The following MOBP variants were observed in gnomAD, a reference collection of about 807,000 sequenced individuals.
MOBP encodes myelin associated oligodendrocyte basic protein.
MOBP carries 5 observed loss-of-function variants against 15.0 expected under a neutral mutation model. That is an observed-to-expected ratio of 0.33 (90% CI 0.17 to 0.70). MOBP has a LOEUF of 0.70. MOBP is among the 30% of genes least tolerant of loss of function. The pLI is 0.67. For synonymous variants in MOBP, 88 were observed against 99.0 expected, an observed-to-expected ratio of 0.89 and a Z score of 0.66; for missense variants, 188 against 257.8, an observed-to-expected ratio of 0.73 and a Z score of 1.85.
intron 2 of MOBP, among the ~76,000 whole-genome samples, chr3:39,485,856 T>A (rs2042699547): frequency 6.6e-6 from 1 of 152,228 alleles, no homozygotes; most frequent in Non-Finnish European, 1.5e-5. Context: ...TTTCTCTGAG[T>A]ACTACATAGT....
intron 2 of MOBP, among the ~76,000 whole-genome samples, chr3:39,482,270 C>T (rs977034222): frequency 6.6e-6 from 1 of 152,178 alleles, no homozygotes; most frequent in Admixed American, 6.5e-5. Flanking sequence ...AATATTTTGT[C>T]ACCACCTTCA....
chr3:39,519,747 G>T (rs1236996966), downstream of MOBP, among the ~76,000 whole-genome samples: 1 of 152,024 alleles, frequency 6.6e-6, no homozygotes, highest in Admixed American at 6.6e-5. Context: ...TTCTTTCTGA[G>T]ACTTGAGATC....
chr3:39,484,492 C>T (rs942218738), intron 2 of MOBP, among the ~76,000 whole-genome samples: 1 of 152,080 alleles, frequency 6.6e-6, no homozygotes, highest in Admixed American at 6.5e-5. Context: ...CAGGGCCAGC[C>T]AGCAGATAAA....
chr3:39,468,814 G>GTATACATATTACATATGTGTGTATA (rs2042391892), intron 1 of MOBP, among the ~76,000 whole-genome samples: 2 of 109,294 alleles, frequency 1.8e-5, no homozygotes, highest in Non-Finnish European at 3.4e-5. Flanking sequence ...ATATGTGTGT[G>GTATACATATTACATATGTGTGTATA]TATACATATT....
intron 3 of MOBP, among the ~76,000 whole-genome samples, chr3:39,521,280 C>T (rs567727623): frequency 6.6e-6 from 1 of 152,216 alleles, no homozygotes; most frequent in East Asian, 1.9e-4. Flanking sequence ...ACATTAAAGC[C>T]ACCATTAGGA....
downstream of MOBP, among the ~76,000 whole-genome samples, chr3:39,516,663 A>G (rs2043206461): frequency 6.6e-6 from 1 of 152,190 alleles, no homozygotes; most frequent in Non-Finnish European, 1.5e-5. Context: ...AGATGAATTT[A>G]TATTTTTATT....
exon 5 of MOBP, chr3:39,515,655 C>G (rs937908248): frequency 9.2e-5 from 14 of 152,194 alleles, no homozygotes; most frequent in African/African-American, 3.1e-4. Flanking sequence ...ATTCTCAGTG[C>G]TTGTGCCCAC....
chr3:39,476,477 C>T (rs2042547429), intron 1 of MOBP, among the ~76,000 whole-genome samples: 1 of 152,192 alleles, frequency 6.6e-6, no homozygotes, highest in Non-Finnish European at 1.5e-5. Flanking sequence ...GCACAAGTTT[C>T]ATTCTAGCCT....
chr3:39,507,801 G>T (rs568468578), downstream of MOBP, among the ~76,000 whole-genome samples: 1 of 152,316 alleles, frequency 6.6e-6, no homozygotes, highest in East Asian at 1.9e-4. Flanking sequence ...TTTGCCAAAT[G>T]CCCTCACAGC....
intron 4 of MOBP, among the ~76,000 whole-genome samples, chr3:39,511,980 A>G (rs1449785170): frequency 2.6e-5 from 4 of 152,198 alleles, no homozygotes; most frequent in Non-Finnish European, 5.9e-5. Context: ...CATCTGTAAA[A>G]TGAGGGTATT....
At chr3:39,485,956 G>A (rs2042701419) in intron 2 of MOBP, among the ~76,000 whole-genome samples, 1 of 152,010 alleles carries the variant, frequency 6.6e-6, no homozygotes, top group Non-Finnish European at 1.5e-5. Context: ...AAAATGTATA[G>A]TTTGTTTTTA....
exon 5 of MOBP, chr3:39,513,419 G>C: frequency 6.2e-7 from 1 of 1,614,110 alleles, no homozygotes; most frequent in Non-Finnish European, 8.5e-7. Flanking sequence ...CAAAGAAGAA[G>C]TGACCAAGGA....
intron 1 of MOBP, among the ~76,000 whole-genome samples, chr3:39,479,473 A>G (rs1413768955): frequency 6.6e-6 from 1 of 151,810 alleles, no homozygotes; most frequent in Non-Finnish European, 1.5e-5. Flanking sequence ...ATGAATACAC[A>G]TGAACTTCCA....
Position 39,502,961 on chromosome 3 carries a change from G to A in MOBP, c.*81G>A. 1 of 661,152 alleles carries A rather than the reference G, an allele frequency of 1.5e-6. No individual in the cohort carries two copies. The highest frequency in any genetic ancestry group is 2.5e-6 in the Non-Finnish European group (1 of 392,984). 41.0% of individuals were successfully genotyped at this position (661,152 alleles called of 1,614,324 possible). On this transcript the variant is annotated 3_prime_UTR_variant, in exon 4 of 4. Transcript: ENST00000684792. The surrounding 1 kb of genome is among the most constrained non-coding windows in gnomAD (Gnocchi z 6.3). ...TTACTAACACCGGGCTGTCTCCATG[G>A]CCCTCTTCAGCCTTATTACCCAACC...
chr3:39,524,736 C>T (rs368369376), exon 5 of MOBP: 10 of 152,128 alleles, frequency 6.6e-5, no homozygotes, highest in Middle Eastern at 6.8e-3. Flanking sequence ...AGTAGGTACA[C>T]GTAAATCTGT....
chr3:39,521,400 G>T (rs1342374088), intron 3 of MOBP, among the ~76,000 whole-genome samples: 1 of 152,216 alleles, frequency 6.6e-6, no homozygotes, highest in Non-Finnish European at 1.5e-5. Flanking sequence ...TCAGGCTTGT[G>T]TGTGTATGTG....
chr3:39,526,034 G>A (rs761633004), downstream of MOBP: 2 of 152,360 alleles, frequency 1.3e-5, no homozygotes, highest in Non-Finnish European at 2.9e-5. Flanking sequence ...ACATGGTGAG[G>A]TGCAGGGTGG....
chr3:39,499,998 C>G (rs763617145), intron 2 of MOBP: 2 of 455,990 alleles, frequency 4.4e-6, no homozygotes, highest in Non-Finnish European at 8.8e-6. Flanking sequence ...CCAGCACATT[C>G]TCATGTTGCA....
chr3:39,482,942 A>G (rs12632500), intron 2 of MOBP, among the ~76,000 whole-genome samples: 20,727 of 152,026 alleles, frequency 0.14, 1,689 homozygotes, highest in Non-Finnish European at 0.18. Flanking sequence ...CTGCAATAAC[A>G]TTGACTCACT....
Sources: gnomAD v4.1 joint callset for allele counts (sites outside exome capture counted in the v4.1 genomes callset) on GRCh38, gnomAD v4.1.1 for gene constraint, Gnocchi (gnomAD v3.1) non-coding constraint, MANE v1.5 for transcripts, NCBI Gene and HGNC (gene_info 2026-07-23, HGNC 2026-07-21) for gene names.